Variants in SEMA5A observed in about 807,000 individuals in gnomAD.
The protein encoded by SEMA5A is semaphorin 5A.
SEMA5A carries 55 observed loss-of-function variants against 135.5 expected under a neutral mutation model. That is an observed-to-expected ratio of 0.41 (90% CI 0.33 to 0.51). SEMA5A has a LOEUF of 0.51. Ranked by LOEUF, SEMA5A falls within the 20% of genes least tolerant of loss-of-function variation. The pLI, the probability that SEMA5A is intolerant of heterozygous loss-of-function variation, is 0.37. For synonymous variants in SEMA5A, 580 were observed against 546.5 expected (o/e 1.06, Z -0.85); for missense variants, 1,290 against 1,419.9 (o/e 0.91, Z 1.47).
intron 18 of SEMA5A, among the ~76,000 whole-genome samples, chr5:9,060,965 C>T (rs1415037716): frequency 6.6e-6 from 1 of 151,790 alleles, no homozygotes; most frequent in Non-Finnish European, 1.5e-5. Context: ...ATGAGCCTTC[C>T]TCCCAATTTC....
chr5:9,068,671 C>A (rs1335959772), intron 16 of SEMA5A, among the ~76,000 whole-genome samples: 1 of 152,126 alleles, frequency 6.6e-6, no homozygotes. Flanking sequence ...AAACAGAAGT[C>A]ACCCAATGTT....
At position 9,036,140 on chromosome 5, in the gene SEMA5A, G is replaced by A. The variant is rs1480827739; in HGVS notation, c.*6757C>T. On this transcript the variant is annotated 3_prime_UTR_variant, in exon 23 of 23. Coordinates refer to ENST00000382496, the MANE Select transcript of SEMA5A (RefSeq NM_003966.3). ...ATCCAACATTGGACCAAAAGTTTGT[G>A]CATTTTCTTGCAGATGATGTAGAAT... 2 of 152,110 alleles carry A rather than the reference G, an allele frequency of 1.3e-5. No homozygotes were observed. The highest frequency in any genetic ancestry group is 2.4e-5 in the African/African-American group (1 of 41,442). The allele number at this position is 152,110 out of a possible 1,614,324, so 9.4% of individuals were successfully genotyped here.
At chr5:9,150,420 G>C (rs1218536649) in intron 12 of SEMA5A, among the ~76,000 whole-genome samples, 3 of 152,124 alleles carry the variant, frequency 2.0e-5, no homozygotes, top group South Asian at 4.1e-4. Flanking sequence ...CAATTCCAAT[G>C]AGTTAGCTTT....
At chr5:9,137,767 A>C (rs1034348830) in intron 12 of SEMA5A, among the ~76,000 whole-genome samples, 2 of 152,248 alleles carry the variant, frequency 1.3e-5, no homozygotes, top group South Asian at 2.1e-4. Context: ...TAGCGTAAGT[A>C]AGTAATGATG....
At chr5:9,521,393 G>C (rs1736823075) in intron 1 of SEMA5A, among the ~76,000 whole-genome samples, 1 of 152,190 alleles carries the variant, frequency 6.6e-6, no homozygotes, top group African/African-American at 2.4e-5. Context: ...CTGGGCAACA[G>C]AGTGAGATAC....
rs982940909 is a variant in SEMA5A, at chr5:9,076,153, C to T, written c.2074-9507G>A. Reference sequence around the variant, plus strand: ...CCGGGAAGCGGAGATTGCAGTAAGCCGAGATCGCACCACTGCACTCCAACC... The same window carrying T: ...CCGGGAAGCGGAGATTGCAGTAAGCTGAGATCGCACCACTGCACTCCAACC... On this transcript the variant is annotated intron_variant, in intron 16 of 22. Transcript: ENST00000382496. 5.4e-5 allele frequency among the ~76,000 whole-genome samples: 8 copies of T among 148,186 alleles called. 1 individual carries two copies. Among genetic ancestry groups the T allele is most frequent in the South Asian group, 4.2e-4 (2 of 4,710 alleles).
At chr5:9,226,253 T>A (rs1038076331) in intron 7 of SEMA5A, among the ~76,000 whole-genome samples, 3 of 152,174 alleles carry the variant, frequency 2.0e-5, no homozygotes, top group Non-Finnish European at 1.5e-5. Context: ...CAGAGGAAGG[T>A]TGCATTTATA....
At chr5:9,478,226 C>T (rs1318201598) in intron 1 of SEMA5A, among the ~76,000 whole-genome samples, 8 of 152,176 alleles carry the variant, frequency 5.3e-5, no homozygotes, top group Non-Finnish European at 7.3e-5. Flanking sequence ...ACCTGGATGT[C>T]GAGGCATAAG....
At chr5:9,480,707 C>T (rs559041101) in intron 1 of SEMA5A, among the ~76,000 whole-genome samples, 3 of 152,184 alleles carry the variant, frequency 2.0e-5, no homozygotes, top group Non-Finnish European at 4.4e-5. Context: ...ATCACTTACA[C>T]GTGTGCCTCA....
chr5:9,502,349 T>C (rs1273996223), intron 1 of SEMA5A, among the ~76,000 whole-genome samples: 1 of 152,202 alleles, frequency 6.6e-6, no homozygotes, highest in Non-Finnish European at 1.5e-5. Context: ...TAAGGAATTA[T>C]CCACAGATAT....
intron 1 of SEMA5A, chr5:9,498,557 T>C (rs1470049298): frequency 6.6e-6 from 1 of 152,182 alleles, no homozygotes; most frequent in African/African-American, 2.4e-5. Context: ...TGGTTGATCA[T>C]TGAGGGACCA....
intron 5 of SEMA5A, among the ~76,000 whole-genome samples, chr5:9,242,374 A>G (rs1320207589): frequency 3.9e-5 from 6 of 152,178 alleles, no homozygotes; most frequent in Non-Finnish European, 8.8e-5. Flanking sequence ...GTCAATTTGG[A>G]AGGATTTGTT....
intron 2 of SEMA5A, among the ~76,000 whole-genome samples, chr5:9,424,068 G>A (rs1057372616): frequency 1.3e-5 from 2 of 152,028 alleles, no homozygotes; most frequent in African/African-American, 4.8e-5. Flanking sequence ...TAAGAAAACT[G>A]GAAAAATCAT....
chr5:9,418,838 C>A (rs566564826), intron 2 of SEMA5A, among the ~76,000 whole-genome samples: 1 of 152,284 alleles, frequency 6.6e-6, no homozygotes, highest in East Asian at 1.9e-4. Context: ...GGCATCCTAA[C>A]CATTTAGGAC....
intron 11 of SEMA5A, among the ~76,000 whole-genome samples, chr5:9,175,694 T>A (rs1304554212): frequency 2.0e-5 from 3 of 152,182 alleles, no homozygotes; most frequent in African/African-American, 7.2e-5. Context: ...CAGGTCTGGA[T>A]AACTAGATGT....
At chr5:9,527,735 C>G (rs1737214225) in intron 1 of SEMA5A, among the ~76,000 whole-genome samples, 1 of 152,164 alleles carries the variant, frequency 6.6e-6, no homozygotes, top group Non-Finnish European at 1.5e-5. Flanking sequence ...GAGGTAGGAA[C>G]TATTGCTATC....
intron 2 of SEMA5A, among the ~76,000 whole-genome samples, chr5:9,401,207 G>C (rs1036127936): frequency 6.6e-6 from 1 of 152,198 alleles, no homozygotes; most frequent in Non-Finnish European, 1.5e-5. Flanking sequence ...GGAAGACCCA[G>C]TGAGCATGAA....
intron 2 of SEMA5A, among the ~76,000 whole-genome samples, chr5:9,435,095 A>G (rs1561250750): frequency 6.6e-6 from 1 of 152,194 alleles, no homozygotes; most frequent in Admixed American, 6.5e-5. Context: ...TTGCCATGTT[A>G]TTTCATCATT....
At chr5:9,285,842 G>A (rs1371191277) in intron 5 of SEMA5A, among the ~76,000 whole-genome samples, 1 of 152,190 alleles carries the variant, frequency 6.6e-6, no homozygotes, top group Non-Finnish European at 1.5e-5. Context: ...GGAGCAAAAG[G>A]AATACTGTCT....
Sources: allele counts gnomAD v4.1 joint callset (sites outside exome capture counted in the v4.1 genomes callset), GRCh38; gene constraint gnomAD v4.1.1; transcripts MANE v1.5; gene names NCBI Gene and HGNC (gene_info 2026-07-23, HGNC 2026-07-21).